Variants in IFNGR2 observed in about 807,000 individuals in gnomAD.
The protein encoded by IFNGR2 is interferon gamma receptor 2.
A neutral mutation model predicts 41.1 loss-of-function variants in IFNGR2; 15 were observed. The observed-to-expected ratio is 0.37, with a 90% confidence interval of 0.24 to 0.56. IFNGR2 has a LOEUF of 0.56. IFNGR2 is among the 20% of genes least tolerant of loss of function. IFNGR2 has a pLI of 0.81. For missense variants in IFNGR2, 362 were observed against 415.7 expected (o/e 0.87, Z 1.12); for synonymous variants, 161 against 171.6 (o/e 0.94, Z 0.48).
At chr21:33,430,428 CTTTTATA>C (rs1485501260) in intron 4 of IFNGR2, among the ~76,000 whole-genome samples, 1 of 152,144 alleles carries the variant, frequency 6.6e-6, no homozygotes, top group East Asian at 1.9e-4. Context: ...CATACAATTA[CTTTTATA>C]TTTTTATTTT....
rs1338974058 is a variant in IFNGR2 at position 33,432,564 on chromosome 21, GT to G, written c.722-149del. ...TACAGGATTGACTTTAGCTATTAAT[GT>G]AAGCATACCAGGTGAGGGTGGGGGG... On this transcript the variant is annotated intron_variant, in intron 5 of 6. Coordinates refer to ENST00000290219, the MANE Select transcript of IFNGR2 (RefSeq NM_005534.4). 115 of 939,010 alleles carry G rather than the reference GT, an allele frequency of 1.2e-4. 1 individual carries two copies. The East Asian group carries it at 2.6e-3, about 21-fold the overall frequency. 58.2% of individuals were successfully genotyped at this position (939,010 alleles called of 1,614,324 possible). A position where few individuals can be genotyped will look rare whatever the true frequency, so the allele number is the denominator to read the frequency against.
intron 1 of IFNGR2, among the ~76,000 whole-genome samples, chr21:33,410,372 G>A (rs1005713219): frequency 5.9e-5 from 9 of 151,898 alleles, no homozygotes; most frequent in Admixed American, 2.0e-4. Flanking sequence ...TCACCATCTT[G>A]GCCAGGCTGG....
chr21:33,428,327 T>C (rs1254298199), intron 4 of IFNGR2, among the ~76,000 whole-genome samples: 1 of 151,828 alleles, frequency 6.6e-6, no homozygotes, highest in East Asian at 1.9e-4. Context: ...GCTCAAGCAG[T>C]CCACCCACTT....
intron 5 of IFNGR2, 158 bp downstream of exon 5, chr21:33,432,494 G>A: frequency 1.1e-6 from 1 of 877,658 alleles, no homozygotes; most frequent in Non-Finnish European, 1.9e-6. Flanking sequence ...GCTGAGATTT[G>A]CAGTAGTGGA....
At chr21:33,428,381 C>T (rs937726241) in intron 4 of IFNGR2, among the ~76,000 whole-genome samples, 1 of 151,944 alleles carries the variant, frequency 6.6e-6, no homozygotes, top group African/African-American at 2.4e-5. Flanking sequence ...GCCAACCACA[C>T]CTGGCTAATA....
intron 1 of IFNGR2, among the ~76,000 whole-genome samples, chr21:33,405,215 G>T (rs959195645): frequency 6.6e-6 from 1 of 152,218 alleles, no homozygotes; most frequent in Non-Finnish European, 1.5e-5. Flanking sequence ...TTTCCCCTGG[G>T]GAGAGTGATA....
intron 2 of IFNGR2, among the ~76,000 whole-genome samples, chr21:33,417,695 G>C (rs1463715603): frequency 3.3e-5 from 5 of 152,106 alleles, no homozygotes; most frequent in African/African-American, 4.8e-5. Flanking sequence ...GAGCGCACAG[G>C]TCACATGTCA....
At chr21:33,420,424 G>C (rs2083783763) in intron 2 of IFNGR2, among the ~76,000 whole-genome samples, 1 of 152,150 alleles carries the variant, frequency 6.6e-6, no homozygotes, top group African/African-American at 2.4e-5. Flanking sequence ...GTGGGAGTGT[G>C]GCATTGGGAC....
chr21:33,408,424 G>A (rs2083693209), intron 1 of IFNGR2, among the ~76,000 whole-genome samples: 1 of 152,118 alleles, frequency 6.6e-6, no homozygotes, highest in South Asian at 2.1e-4. Flanking sequence ...TCGAACTCCT[G>A]ACCTTAAGTG....
At chr21:33,414,217 G>A (rs2083736860) in intron 1 of IFNGR2, among the ~76,000 whole-genome samples, 1 of 152,158 alleles carries the variant, frequency 6.6e-6, no homozygotes, top group South Asian at 2.1e-4. Flanking sequence ...CTCAGGACCT[G>A]CACTTTAACC....
chr21:33,418,218 G>T (rs750037769), intron 2 of IFNGR2, among the ~76,000 whole-genome samples: 1 of 151,922 alleles, frequency 6.6e-6, no homozygotes, highest in Non-Finnish European at 1.5e-5. Context: ...CACTACGCCC[G>T]GCTGATTTTT....
intron 4 of IFNGR2, among the ~76,000 whole-genome samples, chr21:33,427,831 C>A (rs895273084): frequency 7.2e-6 from 1 of 139,570 alleles, no homozygotes; most frequent in African/African-American, 2.7e-5. Flanking sequence ...TTAGATACTT[C>A]ATCTCATTTC....
At chr21:33,410,088 G>A (rs561946890) in intron 1 of IFNGR2, among the ~76,000 whole-genome samples, 2 of 136,106 alleles carry the variant, frequency 1.5e-5, no homozygotes, top group South Asian at 5.1e-4. Flanking sequence ...AGCAGTTACA[G>A]ATATATTACA....
intron 4 of IFNGR2, among the ~76,000 whole-genome samples, chr21:33,431,507 T>A (rs886616979): frequency 6.6e-6 from 1 of 152,084 alleles, no homozygotes; most frequent in Admixed American, 6.6e-5. Flanking sequence ...GAGGCGGAGG[T>A]TGCAGTGAGC....
chr21:33,425,244 C>T (rs1382858344), intron 3 of IFNGR2, among the ~76,000 whole-genome samples: 1 of 152,100 alleles, frequency 6.6e-6, no homozygotes, highest in Non-Finnish European at 1.5e-5. Context: ...TTGGCAGTGA[C>T]ACTGATCGTG....
At chr21:33,412,008 C>T (rs1213043501) in intron 1 of IFNGR2, among the ~76,000 whole-genome samples, 2 of 152,112 alleles carry the variant, frequency 1.3e-5, no homozygotes, top group Non-Finnish European at 2.9e-5. Flanking sequence ...ACTACAGCCT[C>T]GAACTCCTGG....
At chr21:33,429,970 C>T (rs1291138974) in intron 4 of IFNGR2, among the ~76,000 whole-genome samples, 1 of 152,120 alleles carries the variant, frequency 6.6e-6, no homozygotes, top group African/African-American at 2.4e-5. Flanking sequence ...GAAAACCCAT[C>T]TCTACTAAAA....
rs768605434 is a variant in IFNGR2, at chr21:33,432,670, T to A, written c.722-44T>A. 3.1e-5 allele frequency: 50 copies of A among 1,603,508 alleles called. 1 individual carries two copies. In the South Asian group the frequency reaches 5.5e-4, roughly 18 times the overall value. ...GGAACATTAACTGATGTTTGTGTTG[T>A]GCGTAGGAAGATCATTCTGTTCACT... On this transcript the variant is annotated intron_variant, in intron 5 of 6. Transcript: ENST00000290219.
chr21:33,418,013 A>AT (rs1041194712), intron 2 of IFNGR2, among the ~76,000 whole-genome samples: 11 of 151,672 alleles, frequency 7.3e-5, no homozygotes, highest in African/African-American at 2.4e-4. Context: ...GGTTGGTTTT[A>AT]TTTTTTATTT....
Sources: allele counts gnomAD v4.1 joint callset (sites outside exome capture counted in the v4.1 genomes callset), GRCh38; gene constraint gnomAD v4.1.1; transcripts MANE v1.5; gene names NCBI Gene and HGNC (gene_info 2026-07-23, HGNC 2026-07-21).